The following SHANK2 variants were observed in gnomAD, a reference collection of about 807,000 sequenced individuals.
SHANK2 encodes SH3 and multiple ankyrin repeat domains protein 2.
A neutral mutation model predicts 133.7 loss-of-function variants in SHANK2; 43 were observed. The ratio of observed to expected loss-of-function variants is 0.32; its 90% CI spans 0.25 to 0.41. The LOEUF (loss-of-function observed/expected upper bound fraction) is 0.41. SHANK2 is among the 10% of genes least tolerant of loss of function. The pLI, the probability that SHANK2 is intolerant of heterozygous loss-of-function variation, is 1.00. For synonymous variants in SHANK2, 1,017 were observed against 952.8 expected (o/e 1.07, Z -1.24); for missense variants, 1,994 against 2,235.8 (o/e 0.89, Z 2.18).
At chr11:71,244,149 G>T (rs1954929896) in intron 1 of SHANK2, among the ~76,000 whole-genome samples, 1 of 152,142 alleles carries the variant, frequency 6.6e-6, no homozygotes, top group African/African-American at 2.4e-5. Context: ...CTATAAATTG[G>T]CCAGGCTGCT....
At chr11:70,530,172 T>G (rs1294239990) in intron 17 of SHANK2, among the ~76,000 whole-genome samples, 2 of 152,182 alleles carry the variant, frequency 1.3e-5, no homozygotes, top group African/African-American at 4.8e-5. Flanking sequence ...CCCTGATGGA[T>G]GAGTGGATAA....
chr11:70,519,940 G>A (rs187346148), intron 17 of SHANK2, among the ~76,000 whole-genome samples: 116 of 146,458 alleles, frequency 7.9e-4, no homozygotes, highest in Non-Finnish European at 1.2e-3. Context: ...TAAAGGCAAG[G>A]TCTCACCATG....
intron 17 of SHANK2, among the ~76,000 whole-genome samples, chr11:70,562,591 C>A (rs2059919700): frequency 6.6e-6 from 1 of 152,116 alleles, no homozygotes; most frequent in Admixed American, 6.6e-5. Context: ...TCCCAGTTTT[C>A]TTTGGATTAG....
chr11:70,680,533 T>A (rs1945005501), intron 15 of SHANK2, among the ~76,000 whole-genome samples: 1 of 152,202 alleles, frequency 6.6e-6, no homozygotes, highest in African/African-American at 2.4e-5. Flanking sequence ...TGCCCTCTGA[T>A]GAGGATCCCT....
rs1185620982 is a variant in SHANK2 at position 70,468,944 on chromosome 11, T to TTC, written c.*3923_*3924dup. ...TTAGTTCTTTGCCAATAGACACAAATTCTCTCTTGCTCCAAGCCTTAGCAT... is the reference window on the plus strand; with the variant it reads ...TTAGTTCTTTGCCAATAGACACAAATTCTCTCTCTTGCTCCAAGCCTTAGCAT... On this transcript the variant is annotated 3_prime_UTR_variant, in exon 26 of 26. Coordinates refer to ENST00000601538, the MANE Select transcript of SHANK2 (RefSeq NM_012309.5). 1 of 152,200 alleles carries TTC rather than the reference T, an allele frequency of 6.6e-6. No homozygotes were observed. The highest frequency in any genetic ancestry group is 2.4e-5 in the African/African-American group (1 of 41,442). The allele number at this position is 152,200 out of a possible 1,614,324, so 9.4% of individuals were successfully genotyped here. A position where few individuals can be genotyped will look rare whatever the true frequency, so the allele number is the denominator to read the frequency against.
At chr11:70,613,900 G>A (rs1372919739) in intron 17 of SHANK2, among the ~76,000 whole-genome samples, 3 of 151,762 alleles carry the variant, frequency 2.0e-5, no homozygotes, top group Admixed American at 1.3e-4. Flanking sequence ...AAGTAGCTGG[G>A]ATTACAGGCA....
chr11:70,888,599 C>T lies in SHANK2; in HGVS notation c.1174+7902G>A, dbSNP rs569467871. Reference sequence around the variant, plus strand: ...GGTGAGGCTGAGGTGGGTGGATCACCGGAGGTCAGGAGTTTGAGACCAGCC... The same window carrying T: ...GGTGAGGCTGAGGTGGGTGGATCACTGGAGGTCAGGAGTTTGAGACCAGCC... On this transcript the variant is annotated intron_variant, in intron 11 of 25. Transcript: ENST00000601538. Among the ~76,000 whole-genome samples the T allele has an allele frequency of 2.0e-5, 3 of 152,102 alleles. 1 individual carries two copies. Among genetic ancestry groups the T allele is most frequent in the African/African-American group, 7.2e-5 (3 of 41,494 alleles).
chr11:71,158,132 C>T (rs782350775), intron 2 of SHANK2, among the ~76,000 whole-genome samples: 5 of 152,164 alleles, frequency 3.3e-5, no homozygotes, highest in East Asian at 1.9e-4. Flanking sequence ...AACAGATAAC[C>T]GAATGCATTG....
At position 70,594,747 on chromosome 11, in the gene SHANK2, T is replaced by C. The variant is rs182194171; in HGVS notation, c.2061+65081A>G. 4.5e-4 allele frequency among the ~76,000 whole-genome samples: 69 copies of C among 152,206 alleles called. 1 individual carries two copies. The East Asian group carries it at 0.012, about 27-fold the overall frequency. ...TGATTATACACACTGAGTGAATGAA[T>C]GGAGTGAAGAGTGAGCTAATGGGCA... On this transcript the variant is annotated intron_variant, in intron 17 of 25. Transcript: ENST00000601538.
intron 3 of SHANK2, among the ~76,000 whole-genome samples, chr11:71,145,369 C>T (rs1389107541): frequency 6.6e-6 from 1 of 152,264 alleles, no homozygotes; most frequent in Non-Finnish European, 1.5e-5. Context: ...TTGTGTTGAG[C>T]CGCATTCAAA....
chr11:71,158,613 ACT>A (rs1280875619), intron 2 of SHANK2, among the ~76,000 whole-genome samples: 7 of 152,222 alleles, frequency 4.6e-5, no homozygotes, highest in African/African-American at 1.4e-4. Context: ...AGAACTTAAC[ACT>A]CTGATCTTAA....
At chr11:71,217,193 G>A (rs1238800411) in intron 2 of SHANK2, among the ~76,000 whole-genome samples, 4 of 149,480 alleles carry the variant, frequency 2.7e-5, no homozygotes, top group South Asian at 2.2e-4. Context: ...GCAAAACTCC[G>A]TCTCAAAATA....
intron 17 of SHANK2, among the ~76,000 whole-genome samples, chr11:70,643,161 G>C (rs2061209457): frequency 6.6e-6 from 1 of 152,222 alleles, no homozygotes; most frequent in African/African-American, 2.4e-5. Flanking sequence ...GGCTTATCTT[G>C]AAGGATTATC....
At chr11:70,780,569 G>C (rs1027312631) in intron 14 of SHANK2, among the ~76,000 whole-genome samples, 6 of 120,366 alleles carry the variant, frequency 5.0e-5, no homozygotes, top group Non-Finnish European at 9.8e-5. Context: ...TTTTTCCCTG[G>C]TAATGCATTT....
intron 2 of SHANK2, among the ~76,000 whole-genome samples, chr11:71,214,688 C>A (rs1228948521): frequency 6.6e-6 from 1 of 152,202 alleles, no homozygotes; most frequent in East Asian, 1.9e-4. Context: ...CTTGGCCCAC[C>A]CAAGTGCCCA....
chr11:71,232,354 C>T (rs1293598015), intron 1 of SHANK2, among the ~76,000 whole-genome samples: 3 of 152,154 alleles, frequency 2.0e-5, no homozygotes, highest in African/African-American at 7.2e-5. Context: ...TGACCCAGGA[C>T]GAGACTATGG....
chr11:71,129,315 G>T (rs1437171907), intron 3 of SHANK2, among the ~76,000 whole-genome samples: 3 of 152,174 alleles, frequency 2.0e-5, no homozygotes, highest in Non-Finnish European at 4.4e-5. Context: ...GCGAGGGGAG[G>T]CTACGCCACC....
chr11:70,763,346 CAG>C (rs200079509), intron 14 of SHANK2, among the ~76,000 whole-genome samples: 45,869 of 151,932 alleles, frequency 0.3, 8,164 homozygotes, highest in East Asian at 0.5. Flanking sequence ...GCAGGGGACA[CAG>C]GGGCACAGAG....
intron 2 of SHANK2, among the ~76,000 whole-genome samples, chr11:71,187,162 T>C (rs1953691327): frequency 1.3e-5 from 2 of 152,210 alleles, no homozygotes; most frequent in Non-Finnish European, 2.9e-5. Context: ...AAAGACTGCA[T>C]GAGACAAATG....
Sources: gnomAD v4.1 joint callset for allele counts (sites outside exome capture counted in the v4.1 genomes callset) on GRCh38, gnomAD v4.1.1 for gene constraint, MANE v1.5 for transcripts, NCBI Gene and HGNC (gene_info 2026-07-23, HGNC 2026-07-21) for gene names.